NDUFAF2: variants seen among roughly 807,000 people sequenced by gnomAD.
NDUFAF2 encodes NADH dehydrogenase [ubiquinone] 1 alpha subcomplex assembly factor 2.
A neutral mutation model predicts 22.8 loss-of-function variants in NDUFAF2; 13 were observed. The observed-to-expected ratio is 0.57, with a 90% confidence interval of 0.37 to 0.91. The LOEUF is 0.91. Among genes scored for constraint, NDUFAF2 ranks in the 40% least tolerant of loss-of-function variants. NDUFAF2 has a pLI of 0.01. For missense variants in NDUFAF2, 162 were observed against 195.2 expected, an observed-to-expected ratio of 0.83 and a Z score of 1.01; for synonymous variants, 53 against 64.2, an observed-to-expected ratio of 0.83 and a Z score of 0.84.
intron 1 of NDUFAF2, among the ~76,000 whole-genome samples, chr5:61,058,879 A>G (rs1378146712): frequency 2.0e-5 from 3 of 152,038 alleles, no homozygotes; most frequent in Admixed American, 6.6e-5. Flanking sequence ...ACATTATTAC[A>G]TGGACTAAAT....
chr5:61,110,085 C>G (rs1240846515), intron 3 of NDUFAF2, among the ~76,000 whole-genome samples: 1 of 152,016 alleles, frequency 6.6e-6, no homozygotes, highest in African/African-American at 2.4e-5. Context: ...AGAGTTTTGT[C>G]CATCCTTCTG....
intron 1 of NDUFAF2, among the ~76,000 whole-genome samples, chr5:60,964,661 AG>A (rs1338178492): frequency 6.6e-6 from 1 of 152,088 alleles, no homozygotes; most frequent in Admixed American, 6.5e-5. Flanking sequence ...CATGTTGGTC[AG>A]GCTGGTCTTG....
intron 1 of NDUFAF2, among the ~76,000 whole-genome samples, chr5:61,068,001 C>T (rs1370997474): frequency 6.6e-6 from 1 of 151,988 alleles, no homozygotes; most frequent in East Asian, 1.9e-4. Context: ...TGTTATATCC[C>T]TTAAATATAT....
At chr5:61,083,910 A>T (rs1752475171) in intron 2 of NDUFAF2, among the ~76,000 whole-genome samples, 1 of 151,794 alleles carries the variant, frequency 6.6e-6, no homozygotes, top group African/African-American at 2.4e-5. Flanking sequence ...TTGTCTGCAT[A>T]AACAATCTTT....
intron 1 of NDUFAF2, among the ~76,000 whole-genome samples, chr5:60,953,317 T>C (rs1750572307): frequency 6.6e-6 from 1 of 152,086 alleles, no homozygotes; most frequent in Non-Finnish European, 1.5e-5. Flanking sequence ...AGTGGAACAA[T>C]ATCTTTAAAG....
chr5:61,093,686 T>A (rs1561562938), intron 2 of NDUFAF2, among the ~76,000 whole-genome samples: 2 of 152,202 alleles, frequency 1.3e-5, no homozygotes, highest in East Asian at 1.9e-4. Context: ...ATTTTTGCAT[T>A]GACATTCATC....
At chr5:60,999,363 A>G (rs1751267698) in intron 1 of NDUFAF2, among the ~76,000 whole-genome samples, 1 of 152,144 alleles carries the variant, frequency 6.6e-6, no homozygotes, top group Non-Finnish European at 1.5e-5. Flanking sequence ...GTATATACAT[A>G]CAATGGAACA....
At chr5:60,973,278 G>A (rs75585870) in intron 1 of NDUFAF2, among the ~76,000 whole-genome samples, 7,168 of 152,182 alleles carry the variant, frequency 0.047, 261 homozygotes, top group Admixed American at 0.076. Flanking sequence ...ATTCATGTCT[G>A]TAGTCTTGAA....
chr5:61,033,696 A>AT (rs1751756997), intron 1 of NDUFAF2, among the ~76,000 whole-genome samples: 1 of 152,020 alleles, frequency 6.6e-6, no homozygotes, highest in Non-Finnish European at 1.5e-5. Flanking sequence ...TAGGTAGAAT[A>AT]TTTTTTCTTG....
chr5:61,049,269 A>C (rs182358442), intron 1 of NDUFAF2, among the ~76,000 whole-genome samples: 2 of 152,192 alleles, frequency 1.3e-5, no homozygotes, highest in East Asian at 3.9e-4. Flanking sequence ...AGTTTTCTTT[A>C]TTAAATATCT....
At chr5:60,953,630 A>C (rs935855720) in intron 1 of NDUFAF2, among the ~76,000 whole-genome samples, 2 of 152,092 alleles carry the variant, frequency 1.3e-5, no homozygotes, top group African/African-American at 4.8e-5. Context: ...TGGTTGATGT[A>C]TTTGTTGGGT....
rs1752503781 is a variant in NDUFAF2, at chr5:61,086,192, A to G, written c.218-12800A>G. Among the ~76,000 whole-genome samples the G allele has an allele frequency of 1.3e-5, 2 of 152,150 alleles. 1 individual carries two copies. The highest frequency in any genetic ancestry group is 4.1e-4 in the South Asian group (2 of 4,828). ...AAAATTAAAGAAGACTTAAATAGAG[A>G]GATGTACAATTTTCATAGATCAGAA... On this transcript the variant is annotated intron_variant, in intron 2 of 3. Coordinates refer to ENST00000296597, the MANE Select transcript of NDUFAF2 (RefSeq NM_174889.5).
Position 60,983,282 on chromosome 5 carries a change from T to TGG in NDUFAF2, c.127+37901_127+37902insGG, listed in dbSNP as rs1380292181. ...TTCTTGTAAATTTGTTTGAGTTCATTGTAGATTGTGGATATTAGCCCTTTG... is the reference window on the plus strand; with the variant it reads ...TTCTTGTAAATTTGTTTGAGTTCATTGGGTAGATTGTGGATATTAGCCCTTTG... On this transcript the variant is annotated intron_variant, in intron 1 of 3. Coordinates refer to ENST00000296597, the MANE Select transcript of NDUFAF2 (RefSeq NM_174889.5). 1.2e-3 allele frequency among the ~76,000 whole-genome samples: 61 copies of TGG among 49,688 alleles called. 2 individuals carry two copies. The highest frequency in any genetic ancestry group is 2.3e-3 in the Non-Finnish European group (47 of 20,086). The allele number at this position is 49,688 out of a possible 152,430, so 32.6% of individuals were successfully genotyped here.
chr5:61,107,044 TATACACACAC>T lies in NDUFAF2; in HGVS notation c.258+8014_258+8023del, dbSNP rs1439625651. ...TCTGATTTCCTTTCCTTTGGATAAA[TATACACACAC>T]ACACACACACACACACACACACACA... On this transcript the variant is annotated intron_variant, in intron 3 of 3. Coordinates refer to ENST00000296597, the MANE Select transcript of NDUFAF2 (RefSeq NM_174889.5). Among the ~76,000 whole-genome samples the T allele has an allele frequency of 1.3e-3, 85 of 64,804 alleles. 6 individuals are homozygous for T. Among genetic ancestry groups the T allele is most frequent in the African/African-American group, 5.3e-3 (76 of 14,272 alleles). 42.5% of individuals were successfully genotyped at this position (64,804 alleles called of 152,430 possible).
At chr5:60,966,972 A>G (rs1750765698) in intron 1 of NDUFAF2, among the ~76,000 whole-genome samples, 1 of 152,118 alleles carries the variant, frequency 6.6e-6, no homozygotes, top group South Asian at 2.1e-4. Flanking sequence ...CTTCCAATGC[A>G]TGAAACAGAG....
At chr5:61,141,871 C>G (rs1284693257) in intron 3 of NDUFAF2, among the ~76,000 whole-genome samples, 1 of 152,156 alleles carries the variant, frequency 6.6e-6, no homozygotes, top group East Asian at 1.9e-4. Context: ...TCTTCCCTCT[C>G]TCATCCTAGG....
chr5:61,101,055 A>C (rs944984879), intron 3 of NDUFAF2, among the ~76,000 whole-genome samples: 7 of 152,144 alleles, frequency 4.6e-5, no homozygotes, highest in Non-Finnish European at 7.4e-5. Context: ...AGTTTTTATC[A>C]AACACAGTTC....
At chr5:61,129,095 G>C (rs895777978) in intron 3 of NDUFAF2, among the ~76,000 whole-genome samples, 1 of 152,076 alleles carries the variant, frequency 6.6e-6, no homozygotes, top group African/African-American at 2.4e-5. Flanking sequence ...ACCACAGTGA[G>C]ATATTATCAC....
chr5:61,059,471 C>T (rs1470385596), intron 1 of NDUFAF2, among the ~76,000 whole-genome samples: 2 of 152,034 alleles, frequency 1.3e-5, no homozygotes, highest in Non-Finnish European at 2.9e-5. Flanking sequence ...TATTGGTGTG[C>T]TATAAACTTG....
Sources: gnomAD v4.1 joint callset for allele counts (sites outside exome capture counted in the v4.1 genomes callset) on GRCh38, gnomAD v4.1.1 for gene constraint, MANE v1.5 for transcripts, NCBI Gene and HGNC (gene_info 2026-07-23, HGNC 2026-07-21) for gene names.